Variants in LRRN3 observed in about 807,000 individuals in gnomAD.
The protein encoded by LRRN3 is leucine rich repeat neuronal 3.
Under a neutral mutation model 40.1 loss-of-function variants are expected in LRRN3, and 15 were observed. That is an observed-to-expected ratio of 0.37 (90% CI 0.25 to 0.58). LRRN3 has a LOEUF of 0.58. Ranked by LOEUF, LRRN3 falls within the 20% of genes least tolerant of loss-of-function variation. LRRN3 has a pLI of 0.72. For synonymous variants in LRRN3, 308 were observed against 297.2 expected (o/e 1.04, Z -0.37); for missense variants, 746 against 837.7 (o/e 0.89, Z 1.35).
intron 2 of LRRN3, among the ~76,000 whole-genome samples, chr7:111,110,095 A>G (rs1297074994): frequency 6.6e-6 from 1 of 152,186 alleles, no homozygotes; most frequent in Non-Finnish European, 1.5e-5. Flanking sequence ...AGATCACGCC[A>G]CTGCACTCCA....
In LRRN3 at chr7:111,124,240, G is replaced by C. The variant is rs1801014892; in HGVS notation, c.1468G>C (p.Glu490Gln). The part of the protein sequence containing the change: ...TLDINGVTPK[E>Q]GGLYTCIATN... ...AGATATAAATGGCGTAACTCCCAAA[G>C]AAGGGGGTTTATATACTTGTATAGC... Residue 490 changes from glutamate to glutamine, a missense_variant, in exon 3 of 3, where the codon GAA (glutamate) becomes CAA (glutamine). Transcript: ENST00000308478. The C allele has an allele frequency of 6.2e-7, 1 of 1,614,012 alleles. No individual in the cohort carries two copies. Among genetic ancestry groups the C allele is most frequent in the Middle Eastern group, 1.7e-4 (1 of 6,058 alleles).
intron 1 of LRRN3, among the ~76,000 whole-genome samples, chr7:111,092,105 C>G (rs1479922150): frequency 6.6e-6 from 1 of 152,146 alleles, no homozygotes; most frequent in African/African-American, 2.4e-5. Flanking sequence ...ATATCACAAA[C>G]AGTTATTGAA....
intron 2 of LRRN3, among the ~76,000 whole-genome samples, chr7:111,110,873 T>G (rs1799113814): frequency 6.6e-6 from 1 of 152,178 alleles, no homozygotes; most frequent in Non-Finnish European, 1.5e-5. Context: ...AGATCTTAAA[T>G]CATGTGACTG....
chr7:111,096,533 C>T (rs1040766862), intron 1 of LRRN3, among the ~76,000 whole-genome samples: 3 of 150,742 alleles, frequency 2.0e-5, no homozygotes, highest in Non-Finnish European at 3.0e-5. Context: ...AAAACAAAAC[C>T]CACAACCAAC....
chr7:111,111,819 G>A (rs1002883599), intron 2 of LRRN3, among the ~76,000 whole-genome samples: 10 of 151,026 alleles, frequency 6.6e-5, no homozygotes, highest in African/African-American at 1.9e-4. Context: ...CATCCTGGGC[G>A]ACAAAAGGAG....
intron 2 of LRRN3, among the ~76,000 whole-genome samples, chr7:111,114,407 C>T (rs1188298535): frequency 1.3e-5 from 2 of 152,072 alleles, no homozygotes; most frequent in Admixed American, 1.3e-4. Context: ...TAAATCCTAT[C>T]GGTATCCATC....
Position 111,122,532 on chromosome 7 carries a change from T to C in LRRN3, c.-241T>C, listed in dbSNP as rs1186618273. On this transcript the variant is annotated 5_prime_UTR_variant, in exon 3 of 3. Coordinates refer to ENST00000308478, the MANE Select transcript of LRRN3 (RefSeq NM_001099658.2). ...CTATACATACTCCACCTTCAAAAAG[T>C]ACATCAATATTATATCATTAAGGAA... 3 of 479,844 alleles carry C rather than the reference T, an allele frequency of 6.3e-6. No individual in the cohort carries two copies. The highest frequency in any genetic ancestry group is 1.1e-5 in the Non-Finnish European group (3 of 271,510). 29.7% of individuals were successfully genotyped at this position (479,844 alleles called of 1,614,324 possible).
chr7:111,092,639 C>T (rs946313438), intron 1 of LRRN3, among the ~76,000 whole-genome samples: 8 of 152,142 alleles, frequency 5.3e-5, no homozygotes, highest in Admixed American at 2.6e-4. Context: ...CAGAATTACT[C>T]TCAGTAAACT....
At chr7:111,118,023 T>A (rs1423670055) in intron 2 of LRRN3, among the ~76,000 whole-genome samples, 1 of 152,130 alleles carries the variant, frequency 6.6e-6, no homozygotes, top group East Asian at 1.9e-4. Flanking sequence ...TGATTTTTCA[T>A]AAGTATCACA....
intron 2 of LRRN3, among the ~76,000 whole-genome samples, chr7:111,119,388 T>C (rs1800304599): frequency 6.6e-6 from 1 of 152,226 alleles, no homozygotes; most frequent in Admixed American, 6.5e-5. Flanking sequence ...AAATCAACCA[T>C]ATCTAAGTCA....
chr7:111,125,167 C>G lies in LRRN3; in HGVS notation c.*268C>G, dbSNP rs1586450499. On this transcript the variant is annotated 3_prime_UTR_variant, in exon 3 of 3. Transcript: ENST00000308478. The stretch of plus-strand genomic sequence containing the variant: ...TAAAACTTTCATGTAACTTTTATGT[C>G]TGGACTACAGTTCAAGTGGACAAAA... The G allele has an allele frequency of 2.9e-6, 1 of 344,480 alleles. No homozygotes were observed. Among genetic ancestry groups the G allele is most frequent in the South Asian group, 6.8e-5 (1 of 14,702 alleles). 21.3% of individuals were successfully genotyped at this position (344,480 alleles called of 1,614,324 possible). A position where few individuals can be genotyped will look rare whatever the true frequency, so the allele number is the denominator to read the frequency against.
In LRRN3 at chr7:111,123,731, C is replaced by G; in HGVS notation, c.959C>G (p.Pro320Arg). ...AGAAAAATAGAAGCTACTAACAACC[C>G]TAGATTGTCTTACATTCACCCCAAT... ...DLRKIEATNN[P>R]RLSYIHPNAF... Residue 320 changes from proline (P) to arginine (R), a missense_variant, in exon 3 of 3, where the codon CCT becomes CGT. Physicochemically the swap from Pro to Arg is moderately radical, Grantham distance 103 (BLOSUM62 -2). Transcript: ENST00000308478. The surrounding 1 kb of genome is among the most constrained non-coding windows in gnomAD (Gnocchi z 6.4). 6.2e-7 allele frequency: 1 copy of G among 1,613,844 alleles called. No homozygotes were observed. Among genetic ancestry groups the G allele is most frequent in the Non-Finnish European group, 8.5e-7 (1 of 1,179,912 alleles).
At chr7:111,096,607 G>T (rs1320002424) in intron 1 of LRRN3, among the ~76,000 whole-genome samples, 1 of 151,374 alleles carries the variant, frequency 6.6e-6, no homozygotes, top group Non-Finnish European at 1.5e-5. Context: ...TTGTCTGACA[G>T]CATTAGCACT....
chr7:111,104,804 C>T (rs973887438), intron 2 of LRRN3, among the ~76,000 whole-genome samples: 6 of 151,730 alleles, frequency 4.0e-5, no homozygotes, highest in Admixed American at 6.6e-5. Flanking sequence ...TACCCAGCCT[C>T]GCATCTCATT....
At position 111,122,071 on chromosome 7, in the gene LRRN3, G is replaced by A. The variant is rs527338173; in HGVS notation, c.-358-344G>A. ...AGGAAGGGGAACATCACACACCGGG[G>A]CCTGTTGTGGGGTGGGGGGAGGGAT... On this transcript the variant is annotated intron_variant, in intron 2 of 2. Coordinates refer to ENST00000308478, the MANE Select transcript of LRRN3 (RefSeq NM_001099658.2). Among the ~76,000 whole-genome samples, 3 of 140,594 alleles carry A rather than the reference G, an allele frequency of 2.1e-5. No homozygotes were observed. The East Asian group carries it at 6.8e-4, about 32-fold the overall frequency. 92.2% of individuals were successfully genotyped at this position (140,594 alleles called of 152,430 possible).
chr7:111,105,170 G>T (rs1213360657), intron 2 of LRRN3, among the ~76,000 whole-genome samples: 1 of 151,778 alleles, frequency 6.6e-6, no homozygotes, highest in African/African-American at 2.4e-5. Flanking sequence ...CAAAACCTTT[G>T]AAGTGCCCTT....
chr7:111,107,380 A>G (rs182916692), intron 2 of LRRN3, among the ~76,000 whole-genome samples: 2 of 152,136 alleles, frequency 1.3e-5, no homozygotes, highest in South Asian at 2.1e-4. Flanking sequence ...GTTTAGATTC[A>G]ACTGATCAGT....
At chr7:111,095,028 C>G (rs951749355) in intron 1 of LRRN3, among the ~76,000 whole-genome samples, 2 of 151,974 alleles carry the variant, frequency 1.3e-5, no homozygotes, top group Non-Finnish European at 2.9e-5. Flanking sequence ...GCATAATTGT[C>G]AAGTTTGTAT....
In LRRN3 at chr7:111,124,904, C is replaced by G; in HGVS notation, c.*5C>G. 2.0e-6 allele frequency: 3 copies of G among 1,482,460 alleles called. No homozygotes were observed. The highest frequency in any genetic ancestry group is 2.7e-6 in the Non-Finnish European group (3 of 1,115,258). The allele number at this position is 1,482,460 out of a possible 1,614,324, so 91.8% of individuals were successfully genotyped here. ...TTACCAACAAATATGTCCTAAAAAC[C>G]ACCAAGGAAACCTACTCCAAAAATG... On this transcript the variant is annotated 3_prime_UTR_variant, in exon 3 of 3. Coordinates refer to ENST00000308478, the MANE Select transcript of LRRN3 (RefSeq NM_001099658.2).
Sources: allele counts gnomAD v4.1 joint callset (sites outside exome capture counted in the v4.1 genomes callset), GRCh38; gene constraint gnomAD v4.1.1; non-coding constraint Gnocchi (gnomAD v3.1); transcripts MANE v1.5; gene names NCBI Gene and HGNC (gene_info 2026-07-23, HGNC 2026-07-21).